The following DNAJC9 variants were observed in gnomAD, a reference collection of about 807,000 sequenced individuals.
DNAJC9 encodes DnaJ heat shock protein family (Hsp40) member C9.
Under a neutral mutation model 32.4 loss-of-function variants are expected in DNAJC9, and 18 were observed. The observed-to-expected ratio is 0.56, with a 90% CI of 0.38 to 0.82. The LOEUF (loss-of-function observed/expected upper bound fraction) is 0.82. DNAJC9 is among the 40% of genes least tolerant of loss of function. DNAJC9 has a pLI of 0.00. For missense variants in DNAJC9, 310 were observed against 321.8 expected (o/e 0.96, Z 0.28); for synonymous variants, 113 against 122.1 (o/e 0.93, Z 0.49).
chr10:73,246,308 T>C (rs541694620), intron 2 of DNAJC9, 132 bp from the exon 3 acceptor site: 2 of 986,288 alleles, frequency 2.0e-6, no homozygotes, highest in African/African-American at 3.3e-5. Context: ...TGAACCAGAT[T>C]TTCTATGCCT....
chr10:73,235,187 C>T (rs2043794397), downstream of DNAJC9: 1 of 1,551,572 alleles, frequency 6.4e-7, no homozygotes, highest in Non-Finnish European at 8.7e-7. Context: ...TTTGTCTCCT[C>T]TGCAGAAACC....
chr10:73,239,292 TCTC>T (rs1479903420), downstream of DNAJC9: 5 of 1,546,064 alleles, frequency 3.2e-6, no homozygotes, highest in Admixed American at 3.9e-5. Context: ...ATAAGAAGTG[TCTC>T]CTCTTTTGTC....
downstream of DNAJC9, among the ~76,000 whole-genome samples, chr10:73,237,592 G>A (rs2043849778): frequency 6.6e-6 from 1 of 151,960 alleles, no homozygotes; most frequent in East Asian, 1.9e-4. Context: ...GCTAATTTTT[G>A]TATTCTTTTA....
At chr10:73,239,339 G>A (rs762503952), downstream of DNAJC9, 7 of 1,551,694 alleles carry the variant, frequency 4.5e-6, no homozygotes, top group South Asian at 4.8e-5. Context: ...TCGCTCATGT[G>A]CAGTTGAGTA....
rs115346827 is a variant in DNAJC9, at chr10:73,247,228, C to A, written c.-39G>T. The A allele has an allele frequency of 3.1e-4, 490 of 1,564,354 alleles. 3 individuals are homozygous for A. In the African/African-American group the frequency reaches 5.8e-3, roughly 19 times the overall value. On this transcript the variant is annotated 5_prime_UTR_variant, in exon 1 of 5. Coordinates refer to ENST00000372950, the MANE Select transcript of DNAJC9 (RefSeq NM_015190.5). ...ACGACCCCGGAGGAAGCAGCCGCTC[C>A]CAGCTGCGCCGGGTACAACCCAGGA... is the stretch of plus-strand genomic sequence containing the variant.
At position 73,243,340 on chromosome 10, in the gene DNAJC9, T is replaced by C; in HGVS notation, c.*60A>G. On this transcript the variant is annotated 3_prime_UTR_variant, in exon 5 of 5. Coordinates refer to ENST00000372950, the MANE Select transcript of DNAJC9 (RefSeq NM_015190.5). ...TTGACTTTTGCCTTCAAATCCTGCC[T>C]GCACCTTGCCTACGATGGCATCAAT... 1 of 1,598,082 alleles carries C rather than the reference T, an allele frequency of 6.3e-7. No individual in the cohort carries two copies. Among genetic ancestry groups the C allele is most frequent in the Non-Finnish European group, 8.5e-7 (1 of 1,172,664 alleles).
downstream of DNAJC9, chr10:73,241,803 C>A (rs1443561206): frequency 6.6e-6 from 1 of 152,188 alleles, no homozygotes; most frequent in Non-Finnish European, 1.5e-5. Flanking sequence ...GTAGAATCTA[C>A]TATTGAGCCA....
At chr10:73,238,619 A>C (rs140044568), downstream of DNAJC9, among the ~76,000 whole-genome samples, 5 of 152,200 alleles carry the variant, frequency 3.3e-5, no homozygotes, top group Non-Finnish European at 5.9e-5. Context: ...TATAATAACT[A>C]TCTGGCCCTT....
chr10:73,237,839 G>A (rs148072613), downstream of DNAJC9, among the ~76,000 whole-genome samples: 4 of 151,970 alleles, frequency 2.6e-5, no homozygotes, highest in East Asian at 1.9e-4. Flanking sequence ...TCCTCCCACC[G>A]CAGCCTCCCA....
At chr10:73,243,660 G>A (rs2043977664) in intron 4 of DNAJC9, 141 bp from the exon 5 acceptor site, 3 of 1,205,544 alleles carry the variant, frequency 2.5e-6, no homozygotes, top group African/African-American at 3.1e-5. Flanking sequence ...TCCTACAATT[G>A]GTGTTAATAA....
downstream of DNAJC9, chr10:73,239,477 C>G: frequency 1.1e-6 from 1 of 924,884 alleles, no homozygotes. Flanking sequence ...CCCCTTCTTT[C>G]AGATTTTCTT....
In DNAJC9 at chr10:73,243,712, C is replaced by T. The variant is rs2043978029; in HGVS notation, c.663+131G>A. 9.1e-6 allele frequency: 10 copies of T among 1,097,642 alleles called. No homozygotes were observed. The East Asian group carries it at 2.0e-4, about 22-fold the overall frequency. 68.0% of individuals were successfully genotyped at this position (1,097,642 alleles called of 1,614,324 possible). On this transcript the variant is annotated intron_variant, in intron 4 of 4. Transcript: ENST00000372950. ...ATACACTTAAAACCACCAAATTGTA[C>T]ACTTTAAAAGGACAAATAGAAGGTA...
At chr10:73,233,438 A>G (rs113078118) in intron 2 of DNAJC9, among the ~76,000 whole-genome samples, 2 of 152,102 alleles carry the variant, frequency 1.3e-5, no homozygotes, top group Non-Finnish European at 2.9e-5. Context: ...TTCTGGGCTC[A>G]AGTGGTTCTC....
At chr10:73,243,983 A>G (rs889495946) in intron 3 of DNAJC9, 54 bp from the exon 4 acceptor site, 2 of 1,440,614 alleles carry the variant, frequency 1.4e-6, no homozygotes, top group Non-Finnish European at 9.7e-7. Context: ...CTTAAAATAC[A>G]TACTCTTTCC....
At chr10:73,245,228 A>AT (rs1297583078) in intron 3 of DNAJC9, among the ~76,000 whole-genome samples, 1 of 152,092 alleles carries the variant, frequency 6.6e-6, no homozygotes, top group Non-Finnish European at 1.5e-5. Flanking sequence ...AGCGTCTCTT[A>AT]TGTAAAAGCT....
At chr10:73,235,087 C>A, downstream of DNAJC9, 1 of 1,428,562 alleles carries the variant, frequency 7.0e-7, no homozygotes, top group Non-Finnish European at 9.5e-7. Context: ...GGAATTGGAG[C>A]TGTTTGGCCT....
intron 2 of DNAJC9, chr10:73,233,299 G>T: frequency 1.5e-6 from 1 of 656,534 alleles, no homozygotes; most frequent in Middle Eastern, 4.2e-4. Context: ...ATTGCCCATG[G>T]GTTTAGATCC....
downstream of DNAJC9, chr10:73,235,341 A>G (rs748163879): frequency 2.6e-5 from 41 of 1,550,802 alleles, no homozygotes; most frequent in Non-Finnish European, 3.3e-5. Context: ...ACTTCCTAGA[A>G]TGGTCTTGAT....
chr10:73,237,746 C>G (rs2043852991), downstream of DNAJC9, among the ~76,000 whole-genome samples: 1 of 151,832 alleles, frequency 6.6e-6, no homozygotes, highest in South Asian at 2.1e-4. Context: ...TTTTAAGAGA[C>G]AAAGTATCTC....
Sources: allele counts gnomAD v4.1 joint callset (sites outside exome capture counted in the v4.1 genomes callset), GRCh38; gene constraint gnomAD v4.1.1; transcripts MANE v1.5; gene names NCBI Gene and HGNC (gene_info 2026-07-23, HGNC 2026-07-21).